The following NEB variants were observed in gnomAD, a reference collection of about 807,000 sequenced individuals.
NEB encodes nebulin.
In NEB, 512 loss-of-function variants were observed where a neutral mutation model predicts 952.2. The observed-to-expected ratio is 0.54, with a 90% CI of 0.50 to 0.58. The LOEUF is 0.58. NEB is among the 20% of genes least tolerant of loss of function. The probability of loss-of-function intolerance (pLI) is 0.00; values close to 1 mark genes in which losing one functional copy is unlikely to be tolerated. For missense variants in NEB, 8,428 were observed against 9,231.1 expected, an observed-to-expected ratio of 0.91 and a Z score of 3.56; for synonymous variants, 2,900 against 3,149.8, an observed-to-expected ratio of 0.92 and a Z score of 2.66.
chr2:151,679,823 CATATTCTGA>C lies in NEB; in HGVS notation c.3148-4_3152del. The C allele has an allele frequency of 6.2e-7, 1 of 1,613,480 alleles. No homozygotes were observed. The highest frequency in any genetic ancestry group is 8.5e-7 in the Non-Finnish European group (1 of 1,179,416). The stretch of plus-strand genomic sequence containing the variant: ...TCAAGTCTTTCAAGTCTGCTTTGTA[CATATTCTGA>C]AAGAAAAATGTCATTTAAGTACAAC... On this transcript the variant is annotated splice_acceptor_variant and splice_polypyrimidine_tract_variant and coding_sequence_variant and intron_variant, in exon 32 of 182. Transcript: ENST00000397345. LOFTEE classifies it high-confidence loss of function.
chr2:151,556,779 C>CA (rs59898635), intron 124 of NEB, among the ~76,000 whole-genome samples: 96,001 of 151,876 alleles, frequency 0.63, 30,596 homozygotes, highest in East Asian at 0.77. Context: ...TTTAACACCT[C>CA]CTGTCGACAC....
At chr2:151,733,229 C>T in intron 2 of NEB, 44 bp from the exon 3 acceptor site, 1 of 1,287,904 alleles carries the variant, frequency 7.8e-7, no homozygotes, top group African/African-American at 1.5e-5. Flanking sequence ...GAGTCTATTC[C>T]CAGCACAGAA....
intron 71 of NEB, among the ~76,000 whole-genome samples, chr2:151,624,054 T>C (rs1288419282): frequency 3.9e-5 from 6 of 152,208 alleles, no homozygotes; most frequent in African/African-American, 9.6e-5. Context: ...TTTACATTTA[T>C]GCAATGAAGG....
intron 7 of NEB, 41 bp from the exon 8 acceptor site, chr2:151,724,405 C>T: frequency 6.9e-7 from 1 of 1,455,558 alleles, no homozygotes; most frequent in South Asian, 1.2e-5. Flanking sequence ...TGAGGTCTCA[C>T]CCAAAGGCAT....
At chr2:151,509,363 C>A (rs1292207517) in intron 161 of NEB, among the ~76,000 whole-genome samples, 2 of 152,148 alleles carry the variant, frequency 1.3e-5, no homozygotes, top group Non-Finnish European at 2.9e-5. Flanking sequence ...AGAATAGAAA[C>A]AATCGTCCTT....
At chr2:151,614,168 T>TC in intron 77 of NEB, 108 bp downstream of exon 77, 1 of 1,248,520 alleles carries the variant, frequency 8.0e-7, no homozygotes, top group Non-Finnish European at 1.1e-6. Context: ...CAGAACATTA[T>TC]CCTAAAGAGG....
chr2:151,656,175 T>G lies in NEB; in HGVS notation c.6473A>C (p.Asn2158Thr). The G allele has an allele frequency of 6.2e-7, 1 of 1,600,202 alleles. No individual in the cohort carries two copies. The highest frequency in any genetic ancestry group is 8.5e-7 in the Non-Finnish European group (1 of 1,171,964). Residue 2158 changes from asparagine to threonine, a missense_variant, in exon 49 of 182, where the codon AAT becomes ACT. Around this residue, in one of 11 missense-constraint regions of NEB, gnomAD observed 2,851 missense variants for 2,791.5 expected, o/e 1.02. Coordinates refer to ENST00000397345, the MANE Select transcript of NEB (RefSeq NM_001164508.2). Reference protein sequence around the residue: ...PDAMNIELTRNMNRIQSDNEY... With the variant: ...PDAMNIELTRTMNRIQSDNEY... ...TACATCACTCTGTATGCGATTCATA[T>G]TCCTGGTCAGCTCAATGTTCATTGC...
chr2:151,529,979 C>T (rs930889873), intron 145 of NEB, among the ~76,000 whole-genome samples: 1 of 152,158 alleles, frequency 6.6e-6, no homozygotes, highest in Non-Finnish European at 1.5e-5. Context: ...TACCAGCTCA[C>T]CCAGACAGAA....
Position 151,677,676 on chromosome 2 carries a change from A to G in NEB, c.3663T>C (p.Asp1221=), listed in dbSNP as rs1263054512. ...LDVEKVKKAG[D]ALNEKKYRQH... The stretch of plus-strand genomic sequence containing the variant: ...GCCTGTACTTCTTTTCATTCAGAGC[A>G]TCACCGGCCTTTTTAACTTTTTCGA... The change falls in exon 34 of 182, where the codon GAT becomes GAC. Residue 1221 remains aspartate, a synonymous_variant. Transcript: ENST00000397345. 6.2e-7 allele frequency: 1 copy of G among 1,613,944 alleles called. No homozygotes were observed. The highest frequency in any genetic ancestry group is 8.5e-7 in the Non-Finnish European group (1 of 1,179,864).
Position 151,508,079 on chromosome 2 carries a change from T to C in NEB, c.23377A>G (p.Met7793Val). 2 of 1,609,746 alleles carry C rather than the reference T, an allele frequency of 1.2e-6. No individual in the cohort carries two copies. Among genetic ancestry groups the C allele is most frequent in the East Asian group, 2.2e-5 (1 of 44,840 alleles). Residue 7793 changes from methionine to valine, a missense_variant, in exon 162 of 182, where the codon ATG becomes GTG. Around this residue, in one of 11 missense-constraint regions of NEB, gnomAD observed 3,374 missense variants for 3,651.5 expected, o/e 0.92. Transcript: ENST00000397345. ...TCCAAAACAGTCTCATAATACGACA[T>C]GGACTTCTCAGCATCTTCCTTGTAC... The part of the protein sequence containing the change: ...KKYKEDAEKS[M>V]SYYETVLDTP...
intron 80 of NEB, 25 bp downstream of exon 80, chr2:151,610,491 A>AGAG: frequency 1.3e-6 from 2 of 1,554,496 alleles, no homozygotes. Context: ...TGGAGACCAC[A>AGAG]GAGAGTTAGA....
intron 92 of NEB, 31 bp from the exon 93 acceptor site, chr2:151,594,349 C>T: frequency 8.4e-7 from 1 of 1,197,262 alleles, no homozygotes; most frequent in Middle Eastern, 2.8e-4. Flanking sequence ...ATTAAAAAGA[C>T]ATATGAAAAT....
chr2:151,609,112 C>CA (rs1400001720), intron 81 of NEB, among the ~76,000 whole-genome samples: 2 of 149,734 alleles, frequency 1.3e-5, no homozygotes, highest in Non-Finnish European at 3.0e-5. Context: ...TGAGTGCTAA[C>CA]ATTTAAAAAA....
chr2:151,508,291 C>T (rs1217723312), intron 161 of NEB, among the ~76,000 whole-genome samples, 182 bp from the exon 162 acceptor site: 4 of 152,176 alleles, frequency 2.6e-5, no homozygotes, highest in African/African-American at 9.7e-5. Context: ...AGAAAGAGCA[C>T]CATACTTTTT....
intron 9 of NEB, among the ~76,000 whole-genome samples, 197 bp from the exon 10 acceptor site, chr2:151,717,717 T>C (rs1453614228): frequency 6.6e-6 from 1 of 152,212 alleles, no homozygotes; most frequent in Non-Finnish European, 1.5e-5. Context: ...ATCTGCTTTC[T>C]TCCATTCATT....
chr2:151,697,085 CAT>C, intron 16 of NEB, 61 bp downstream of exon 16: 1 of 1,250,090 alleles, frequency 8.0e-7, no homozygotes, highest in South Asian at 1.4e-5. Flanking sequence ...ACATTTTAAA[CAT>C]ATCCTGACCA....
At chr2:151,627,385 G>C in intron 69 of NEB, 138 bp downstream of exon 69, 1 of 1,435,686 alleles carries the variant, frequency 7.0e-7, no homozygotes, top group African/African-American at 1.4e-5. Context: ...AAAAAGTAAG[G>C]GGAAGAGTTG....
At position 151,701,673 on chromosome 2, in the gene NEB, T is replaced by C. The variant is rs375829957; in HGVS notation, c.1153-4025A>G. Among the ~76,000 whole-genome samples, 1,334 of 148,316 alleles carry C rather than the reference T, an allele frequency of 9.0e-3. 20 individuals are homozygous for C. Among genetic ancestry groups the C allele is most frequent in the African/African-American group, 0.032 (1,233 of 38,142 alleles). ...TGCGTAGAGGTGTTTGTAGTATTCT[T>C]TGATGGTAGTTTGTATTTCTGTGGG... is the stretch of plus-strand genomic sequence containing the variant. On this transcript the variant is annotated intron_variant, in intron 13 of 181. Transcript: ENST00000397345.
At chr2:151,521,946 A>G (rs1014612679) in intron 153 of NEB, among the ~76,000 whole-genome samples, 3 of 152,106 alleles carry the variant, frequency 2.0e-5, no homozygotes, top group East Asian at 3.9e-4. Flanking sequence ...GAATTCTTGG[A>G]ATGGTGTTTG....
Sources: gnomAD v4.1 joint callset for allele counts (sites outside exome capture counted in the v4.1 genomes callset) on GRCh38, gnomAD v4.1.1 for gene constraint, gnomAD v4.1.1 regional missense constraint, MANE v1.5 for transcripts, NCBI Gene and HGNC (gene_info 2026-07-23, HGNC 2026-07-21) for gene names.